IL23R: variants seen among roughly 807,000 people sequenced by gnomAD.
The protein encoded by IL23R is interleukin 23 receptor.
Under a neutral mutation model 56.9 loss-of-function variants are expected in IL23R, and 34 were observed. The ratio of observed to expected loss-of-function variants is 0.60; its 90% CI spans 0.45 to 0.80. The LOEUF (loss-of-function observed/expected upper bound fraction) is 0.80. IL23R is among the 30% of genes least tolerant of loss of function. The pLI is 0.00. For missense variants in IL23R, 635 were observed against 730.0 expected, an observed-to-expected ratio of 0.87 and a Z score of 1.50; for synonymous variants, 230 against 249.2, an observed-to-expected ratio of 0.92 and a Z score of 0.73.
intron 10 of IL23R, 64 bp downstream of exon 10, chr1:67,255,991 T>C: frequency 1.1e-6 from 1 of 878,890 alleles, no homozygotes; most frequent in Non-Finnish European, 1.9e-6. Context: ...GTCTAATAAT[T>C]AGAATAGAAT....
chr1:67,159,858 T>C (rs1372175402), intron 1 of IL23R, among the ~76,000 whole-genome samples: 1 of 152,198 alleles, frequency 6.6e-6, no homozygotes, highest in African/African-American at 2.4e-5. Context: ...GGTAGAGCTG[T>C]AGTAATCTGT....
At chr1:67,170,030 C>T (rs971368130) in intron 3 of IL23R, among the ~76,000 whole-genome samples, 2 of 152,150 alleles carry the variant, frequency 1.3e-5, no homozygotes, top group African/African-American at 4.8e-5. Context: ...CTCTTTTAAT[C>T]TTCTTGTTTA....
rs540500252 is a variant in IL23R at position 67,169,650 on chromosome 1, G to T, written c.367+12G>T. On this transcript the variant is annotated intron_variant, in intron 3 of 10. Coordinates refer to ENST00000347310, the MANE Select transcript of IL23R (RefSeq NM_144701.3). ...CATTTCTTCTGGATGTAAGTGTTGG[G>T]GCACATTTGAAATGCAAACAAAAGC... The T allele has an allele frequency of 1.9e-6, 3 of 1,612,598 alleles. No homozygotes were observed. The highest frequency in any genetic ancestry group is 1.1e-5 in the South Asian group (1 of 90,982).
intron 4 of IL23R, among the ~76,000 whole-genome samples, chr1:67,199,917 G>A (rs1648482994): frequency 1.3e-5 from 2 of 152,238 alleles, no homozygotes; most frequent in Admixed American, 6.5e-5. Flanking sequence ...GCTCATGCCT[G>A]TAATCCTAGC....
chr1:67,200,294 G>A (rs563917149), intron 4 of IL23R, among the ~76,000 whole-genome samples: 22 of 151,726 alleles, frequency 1.4e-4, no homozygotes, highest in South Asian at 4.2e-4. Flanking sequence ...CGCCCGCCTC[G>A]GCCTCCCAAA....
chr1:67,237,851 T>G (rs1401485487), intron 8 of IL23R, among the ~76,000 whole-genome samples: 1 of 152,224 alleles, frequency 6.6e-6, no homozygotes, highest in Non-Finnish European at 1.5e-5. Flanking sequence ...GCAGGTTGTA[T>G]TGCTATTCTT....
intron 1 of IL23R, among the ~76,000 whole-genome samples, chr1:67,147,622 C>G (rs1415617319): frequency 6.6e-6 from 1 of 152,012 alleles, no homozygotes; most frequent in African/African-American, 2.4e-5. Flanking sequence ...ATAGCTTAAA[C>G]TTGGGAAGCA....
chr1:67,178,379 A>T (rs1647041146), intron 3 of IL23R, among the ~76,000 whole-genome samples: 1 of 152,208 alleles, frequency 6.6e-6, no homozygotes, highest in Non-Finnish European at 1.5e-5. Flanking sequence ...TCTTTGAAGC[A>T]ATTGTGAATG....
rs1440450282 is a variant in IL23R at position 67,236,818 on chromosome 1, T to G, written c.1045+16T>G. On this transcript the variant is annotated intron_variant, in intron 8 of 10. Transcript: ENST00000347310. ...CTTACTTCTGGTAAGAAAATACAAC[T>G]TAGGCTTTTTGAGTAGTCTTTTAGT... 7 of 1,543,968 alleles carry G rather than the reference T, an allele frequency of 4.5e-6. No homozygotes were observed. The African/African-American group carries it at 9.5e-5, about 21-fold the overall frequency.
chr1:67,250,274 A>T (rs1043781533), intron 9 of IL23R, among the ~76,000 whole-genome samples: 1 of 152,210 alleles, frequency 6.6e-6, no homozygotes, highest in African/African-American at 2.4e-5. Flanking sequence ...TGACTTATGC[A>T]GACCATCTAT....
intron 2 of IL23R, among the ~76,000 whole-genome samples, chr1:67,168,970 G>A (rs1646906960): frequency 1.3e-5 from 2 of 151,940 alleles, no homozygotes; most frequent in African/African-American, 4.8e-5. Context: ...GATCAGCCTG[G>A]CCAACATGGT....
chr1:67,207,916 T>G (rs1353456557), intron 6 of IL23R, among the ~76,000 whole-genome samples: 3 of 152,206 alleles, frequency 2.0e-5, no homozygotes, highest in Admixed American at 1.3e-4. Flanking sequence ...AATTTGGAAC[T>G]TCCTGGAGAC....
rs11465821 is a variant in IL23R, at chr1:67,255,734, C to T, written c.1149-103C>T. ...GATTACAGGCATGAGCCACTGTGCC[C>T]GACCTAGGAAATTTGATTTTTAATA... On this transcript the variant is annotated intron_variant, in intron 9 of 10. Transcript: ENST00000347310. 7.3e-4 allele frequency: 484 copies of T among 664,178 alleles called. 1 individual carries two copies. In the African/African-American group the frequency reaches 7.3e-3, roughly 10 times the overall value. The allele number at this position is 664,178 out of a possible 1,614,324, so 41.1% of individuals were successfully genotyped here.
chr1:67,218,020 T>C (rs977077378), intron 6 of IL23R, among the ~76,000 whole-genome samples: 1 of 152,054 alleles, frequency 6.6e-6, no homozygotes, highest in Non-Finnish European at 1.5e-5. Context: ...TGTCTGCCTT[T>C]CAATCATGCT....
At chr1:67,176,415 T>C (rs1244925288) in intron 3 of IL23R, among the ~76,000 whole-genome samples, 1 of 152,050 alleles carries the variant, frequency 6.6e-6, no homozygotes, top group Non-Finnish European at 1.5e-5. Flanking sequence ...ATTGTCAGTT[T>C]CTCAACGGAC....
intron 9 of IL23R, among the ~76,000 whole-genome samples, chr1:67,241,218 T>A (rs1225774857): frequency 6.6e-6 from 1 of 152,224 alleles, no homozygotes; most frequent in Non-Finnish European, 1.5e-5. Flanking sequence ...AATGTACTTA[T>A]ATGGTCTTTA....
intron 1 of IL23R, among the ~76,000 whole-genome samples, chr1:67,143,157 C>A: frequency 6.6e-6 from 1 of 152,134 alleles, no homozygotes; most frequent in African/African-American, 2.4e-5. Flanking sequence ...GGTAAATATC[C>A]TGTCTGTGAC....
In IL23R at chr1:67,258,975, A is replaced by G; in HGVS notation, c.1737A>G (p.Ser579=). 1 of 1,614,086 alleles carries G rather than the reference A, an allele frequency of 6.2e-7. No homozygotes were observed. The highest frequency in any genetic ancestry group is 8.5e-7 in the Non-Finnish European group (1 of 1,180,002). The change falls in exon 11 of 11, where the codon TCA becomes TCG. Residue 579 remains serine (S), a synonymous_variant. Coordinates refer to ENST00000347310, the MANE Select transcript of IL23R (RefSeq NM_144701.3). The stretch of plus-strand genomic sequence containing the variant: ...CCACCATGCTTTTGGAAAATGATTC[A>G]CCCAGTGAAACTATTCCAGAACAGA... ...EETTMLLEND[S]PSETIPEQTL...
chr1:67,242,093 A>T (rs1161240002), intron 9 of IL23R, among the ~76,000 whole-genome samples: 1 of 152,242 alleles, frequency 6.6e-6, no homozygotes, highest in African/African-American at 2.4e-5. Context: ...CATGAGGGAT[A>T]CATTTCTAAT....
Sources: gnomAD v4.1 joint callset for allele counts (sites outside exome capture counted in the v4.1 genomes callset) on GRCh38, gnomAD v4.1.1 for gene constraint, MANE v1.5 for transcripts, NCBI Gene and HGNC (gene_info 2026-07-23, HGNC 2026-07-21) for gene names.